Variants in FMN1 observed in about 807,000 individuals in gnomAD.
FMN1 encodes formin 1, also known as formin-1.
Under a neutral mutation model 132.4 loss-of-function variants are expected in FMN1, and 110 were observed. That is an observed-to-expected ratio of 0.83 (90% CI 0.71 to 0.97). The LOEUF (loss-of-function observed/expected upper bound fraction) is 0.97, where lower values mean the gene tolerates loss of function less well. FMN1 is among the 50% of genes least tolerant of loss of function. The pLI, the probability that FMN1 is intolerant of heterozygous loss-of-function variation, is 0.00. For missense variants in FMN1, 1,792 were observed against 1,705.3 expected (o/e 1.05, Z -0.90); for synonymous variants, 722 against 651.7 (o/e 1.11, Z -1.64).
At chr15:32,827,330 T>C (rs2058391689) in intron 17 of FMN1, among the ~76,000 whole-genome samples, 1 of 152,214 alleles carries the variant, frequency 6.6e-6, no homozygotes, top group African/African-American at 2.4e-5. Context: ...AAGGCCCAGC[T>C]AATCACATTT....
chr15:33,064,937 C>T lies in FMN1; in HGVS notation c.2161+20G>A, dbSNP rs774449809. ...CAGGAAGAGATTCATTCCCGGGTCC[C>T]TAGCTTCCTTTCACATTACCTGCTT... On this transcript the variant is annotated intron_variant, in intron 6 of 20. Transcript: ENST00000616417. The T allele has an allele frequency of 4.5e-6, 7 of 1,560,004 alleles. No homozygotes were observed. Among genetic ancestry groups the T allele is most frequent in the Non-Finnish European group, 5.3e-6 (6 of 1,135,780 alleles).
At chr15:32,944,201 G>A (rs73372911) in intron 9 of FMN1, among the ~76,000 whole-genome samples, 24 of 152,338 alleles carry the variant, frequency 1.6e-4, no homozygotes, top group African/African-American at 5.8e-4. Flanking sequence ...TACTTGGCAG[G>A]TGCCCAGGAG....
chr15:32,862,410 A>G (rs2059291756), intron 16 of FMN1, among the ~76,000 whole-genome samples: 1 of 152,226 alleles, frequency 6.6e-6, no homozygotes, highest in Admixed American at 6.5e-5. Context: ...CTAAGTGATC[A>G]CTGTGAGACA....
At chr15:33,018,966 G>A (rs771502914) in intron 6 of FMN1, among the ~76,000 whole-genome samples, 13 of 152,290 alleles carry the variant, frequency 8.5e-5, no homozygotes, top group Middle Eastern at 6.8e-3. Context: ...GACAATGTGG[G>A]CCCAAAGGAG....
intron 6 of FMN1, among the ~76,000 whole-genome samples, chr15:33,042,912 CATT>C (rs1199260787): frequency 2.0e-5 from 3 of 152,108 alleles, no homozygotes; most frequent in Middle Eastern, 3.2e-3. Flanking sequence ...GCTCCCCAAT[CATT>C]ATAACACACT....
At chr15:33,079,581 C>T (rs997237459) in intron 5 of FMN1, among the ~76,000 whole-genome samples, 2 of 152,254 alleles carry the variant, frequency 1.3e-5, no homozygotes, top group African/African-American at 2.4e-5. Context: ...TGAGATCATG[C>T]CACTGCACTC....
rs113675494 is a variant in FMN1, at chr15:33,040,503, T to C, written c.2161+24454A>G. Among the ~76,000 whole-genome samples, 360 of 152,286 alleles carry C rather than the reference T, an allele frequency of 2.4e-3. 1 individual carries two copies. The highest frequency in any genetic ancestry group is 6.6e-3 in the African/African-American group (276 of 41,540). On this transcript the variant is annotated intron_variant, in intron 6 of 20. Coordinates refer to ENST00000616417, the MANE Select transcript of FMN1 (RefSeq NM_001277313.2). ...AACCTAGTAGATGCTTAGTAAATAT[T>C]TGCTACATAAATGATTATTATTTAT...
chr15:32,905,864 A>G (rs1481159394), intron 12 of FMN1, among the ~76,000 whole-genome samples: 1 of 150,844 alleles, frequency 6.6e-6, no homozygotes, highest in Non-Finnish European at 1.5e-5. Flanking sequence ...GGTTGGTAGC[A>G]AAGGTGAAAT....
rs551711959 is a variant in FMN1, at chr15:33,000,276, C to T, written c.2223+7738G>A. 3.9e-5 allele frequency among the ~76,000 whole-genome samples: 6 copies of T among 152,062 alleles called. No individual in the cohort carries two copies. The East Asian group carries it at 5.8e-4, about 15-fold the overall frequency. ...TATGCCGGCTAACACGGTGAAATCC[C>T]GTCTCTACTAAACATACAAAAAATT... is the stretch of plus-strand genomic sequence containing the variant. On this transcript the variant is annotated intron_variant, in intron 7 of 20. Transcript: ENST00000616417.
At chr15:33,032,209 G>A (rs1262946395) in intron 6 of FMN1, among the ~76,000 whole-genome samples, 1 of 152,122 alleles carries the variant, frequency 6.6e-6, no homozygotes, top group African/African-American at 2.4e-5. Flanking sequence ...ACTACCTTTT[G>A]GGAGGTTGAT....
chr15:32,986,768 T>C (rs2140820541), intron 7 of FMN1, among the ~76,000 whole-genome samples: 1 of 152,240 alleles, frequency 6.6e-6, no homozygotes, highest in Middle Eastern at 3.4e-3. Flanking sequence ...TCCTGGAATA[T>C]AGACAAACCA....
intron 15 of FMN1, among the ~76,000 whole-genome samples, chr15:32,892,565 T>C (rs347933): frequency 0.28 from 42,934 of 152,084 alleles, 6,348 homozygotes; most frequent in African/African-American, 0.36. Flanking sequence ...GGGTGACGCT[T>C]GCTTCATAAA....
At chr15:32,843,884 C>G (rs566606922) in intron 17 of FMN1, among the ~76,000 whole-genome samples, 1 of 152,306 alleles carries the variant, frequency 6.6e-6, no homozygotes, top group East Asian at 1.9e-4. Flanking sequence ...AACTAACTAA[C>G]ATCGCATATT....
intron 16 of FMN1, among the ~76,000 whole-genome samples, chr15:32,881,054 T>C (rs1285236564): frequency 6.6e-6 from 1 of 151,416 alleles, no homozygotes; most frequent in East Asian, 1.9e-4. Context: ...CTTCATTTCA[T>C]TGTGGGGTTT....
chr15:33,191,002 C>T (rs1435296410), intron 2 of FMN1, among the ~76,000 whole-genome samples: 1 of 152,136 alleles, frequency 6.6e-6, no homozygotes, highest in Non-Finnish European at 1.5e-5. Context: ...AACCCCATCT[C>T]TACTAAAAAT....
At chr15:32,918,600 G>A (rs10152541) in intron 10 of FMN1, among the ~76,000 whole-genome samples, 39,227 of 152,028 alleles carry the variant, frequency 0.26, 5,396 homozygotes, top group Non-Finnish European at 0.31. Context: ...TTTTACAGGC[G>A]CAATTAAGAT....
intron 19 of FMN1, among the ~76,000 whole-genome samples, chr15:32,777,568 TTATA>T (rs1263820738): frequency 6.8e-6 from 1 of 147,356 alleles, no homozygotes; most frequent in Non-Finnish European, 1.5e-5. Context: ...ATATAACACT[TTATA>T]TATTACGTAT....
chr15:33,057,288 T>C (rs1470767699), intron 6 of FMN1, among the ~76,000 whole-genome samples: 1 of 152,174 alleles, frequency 6.6e-6, no homozygotes, highest in Admixed American at 6.5e-5. Flanking sequence ...CCTTCTGTTG[T>C]GCTAAAGATG....
intron 10 of FMN1, among the ~76,000 whole-genome samples, chr15:32,923,714 A>G (rs1472276127): frequency 3.9e-5 from 6 of 152,212 alleles, no homozygotes; most frequent in African/African-American, 1.4e-4. Flanking sequence ...TAAACATTCA[A>G]TCTAATAAGG....
Sources: allele counts gnomAD v4.1 joint callset (sites outside exome capture counted in the v4.1 genomes callset), GRCh38; gene constraint gnomAD v4.1.1; transcripts MANE v1.5; gene names NCBI Gene and HGNC (gene_info 2026-07-23, HGNC 2026-07-21).